Variants in ANK2 observed in about 807,000 individuals in gnomAD.
ANK2 encodes ankyrin-2.
A neutral mutation model predicts 360.5 loss-of-function variants in ANK2; 83 were observed. That is an observed-to-expected ratio of 0.23 (90% CI 0.19 to 0.28). The LOEUF is 0.28. ANK2 is among the 10% of genes least tolerant of loss of function. The pLI, the probability that ANK2 is intolerant of heterozygous loss-of-function variation, is 1.00. For missense variants in ANK2, 4,201 were observed against 4,795.7 expected (o/e 0.88, Z 3.66); for synonymous variants, 1,740 against 1,759.5 (o/e 0.99, Z 0.28).
chr4:112,762,578 C>T, the ANK2 span, among the ~76,000 whole-genome samples: 1 of 152,294 alleles, frequency 6.6e-6, no homozygotes, highest in East Asian at 1.9e-4. Flanking sequence ...GGTGCGATTT[C>T]GGCTCACTGC....
intron 26 of ANK2, 136 bp from the exon 27 acceptor site, chr4:113,330,110 C>T: frequency 1.2e-6 from 1 of 806,632 alleles, no homozygotes; most frequent in Non-Finnish European, 2.0e-6. Flanking sequence ...CTTTTAAAAA[C>T]AAGCATTTTA....
intron 2 of ANK2, among the ~76,000 whole-genome samples, chr4:112,959,317 G>A (rs2154259478): frequency 6.6e-6 from 1 of 152,168 alleles, no homozygotes; most frequent in Non-Finnish European, 1.5e-5. Context: ...CCTTAATGAA[G>A]CAGATTTTTT....
At chr4:112,766,270 G>A in the ANK2 span, among the ~76,000 whole-genome samples, 6 of 151,244 alleles carry the variant, frequency 4.0e-5, no homozygotes, top group African/African-American at 7.3e-5. Context: ...GCAGTGAGCC[G>A]AGATCGCACC....
chr4:113,235,717 T>A (rs2099366744), intron 5 of ANK2, among the ~76,000 whole-genome samples: 1 of 152,064 alleles, frequency 6.6e-6, no homozygotes. Context: ...ATTACAGATG[T>A]GAGCCACCGT....
At chr4:113,113,542 A>C (rs1029080768) in intron 1 of ANK2, among the ~76,000 whole-genome samples, 8 of 152,206 alleles carry the variant, frequency 5.3e-5, no homozygotes, top group Non-Finnish European at 1.0e-4. Context: ...TCTCAAGTTT[A>C]AATGTGAACG....
chr4:112,881,806 C>T (rs1317334599), intron 1 of ANK2: 5 of 921,740 alleles, frequency 5.4e-6, no homozygotes, highest in African/African-American at 1.6e-5. Flanking sequence ...TCTTCAGTGT[C>T]TTCTTTAATG....
At chr4:113,080,603 A>G (rs1003025727) in intron 1 of ANK2, among the ~76,000 whole-genome samples, 2 of 152,236 alleles carry the variant, frequency 1.3e-5, no homozygotes, top group Non-Finnish European at 2.9e-5. Context: ...AATGGAATAT[A>G]TACATTCCAT....
rs1439525696 is a variant in ANK2 at position 113,358,493 on chromosome 4, T to C, written c.9875T>C (p.Met3292Thr). 16 of 1,614,116 alleles carry C rather than the reference T, an allele frequency of 9.9e-6. No homozygotes were observed. Among genetic ancestry groups the C allele is most frequent in the African/African-American group, 2.7e-5 (2 of 75,044 alleles). The change falls in exon 38 of 46, where the codon ATG becomes ACG. Residue 3292 changes from methionine (M) to threonine (T), a missense_variant. Around this residue, in one of 4 missense-constraint regions of ANK2, gnomAD observed 2,642 missense variants for 2,714.5 expected, o/e 0.97. Coordinates refer to ENST00000357077, the MANE Select transcript of ANK2 (RefSeq NM_001148.6). ...KSVIEIPTAP[M>T]ENVPFTESKS... ...GTAATCGAGATTCCTACTGCACCCA[T>C]GGAGAATGTGCCTTTTACTGAAAGC...
chr4:113,209,135 C>A (rs2098990249), intron 4 of ANK2, among the ~76,000 whole-genome samples: 1 of 151,794 alleles, frequency 6.6e-6, no homozygotes. Context: ...ACTTTTATAC[C>A]ATTTTGAGGA....
chr4:113,152,089 A>G (rs1225476693), intron 1 of ANK2, among the ~76,000 whole-genome samples: 3 of 74,642 alleles, frequency 4.0e-5, no homozygotes, highest in East Asian at 3.0e-4. Flanking sequence ...GAAAAAAAAA[A>G]AAAAAGAAAA....
In ANK2 at chr4:113,339,237, C is replaced by T. The variant is rs767227373; in HGVS notation, c.3808C>T (p.Pro1270Ser). The T allele has an allele frequency of 2.5e-6, 4 of 1,613,342 alleles. No homozygotes were observed. In the Admixed American group the frequency reaches 6.7e-5, roughly 27 times the overall value. ...LLCSITGGTTPAQWEDITGTT... is the reference protein window; with the variant it reads ...LLCSITGGTTSAQWEDITGTT... ...TCATATTATTTCAGGTGGAACCACC[C>T]CTGCCCAGTGGGAAGATATTACAGG... The change falls in exon 32 of 46, where the codon CCT (proline) becomes TCT (serine). Residue 1270 changes from proline (P) to serine (S), a missense_variant. By Grantham distance (74) the Pro-to-Ser change is moderately conservative. Transcript: ENST00000357077.
intron 1 of ANK2, among the ~76,000 whole-genome samples, chr4:113,143,827 T>C (rs1319163171): frequency 1.3e-5 from 2 of 152,208 alleles, no homozygotes; most frequent in Non-Finnish European, 2.9e-5. Flanking sequence ...CATAGCCTAC[T>C]TAAATACTAC....
At chr4:113,257,724 T>C (rs935536746) in intron 11 of ANK2, among the ~76,000 whole-genome samples, 3 of 152,196 alleles carry the variant, frequency 2.0e-5, no homozygotes, top group African/African-American at 7.2e-5. Flanking sequence ...ACAATCAATA[T>C]ACCTTAAAAC....
At chr4:112,712,072 T>A in the ANK2 span, among the ~76,000 whole-genome samples, 37 of 148,492 alleles carry the variant, frequency 2.5e-4, 1 homozygote, top group Admixed American at 2.2e-3. Context: ...ATATATATAT[T>A]TATTTTTATT....
the ANK2 span, among the ~76,000 whole-genome samples, chr4:112,795,575 C>T: frequency 6.6e-6 from 1 of 152,114 alleles, no homozygotes; most frequent in Non-Finnish European, 1.5e-5. Flanking sequence ...GCGATCTCGG[C>T]CCACTGCAAC....
chr4:112,945,454 T>C (rs2094486493), intron 2 of ANK2, among the ~76,000 whole-genome samples: 1 of 152,156 alleles, frequency 6.6e-6, no homozygotes, highest in Non-Finnish European at 1.5e-5. Context: ...ATTACAAAAA[T>C]TATTTAATAA....
At chr4:113,231,768 T>C (rs1168809723) in intron 4 of ANK2, among the ~76,000 whole-genome samples, 2 of 152,020 alleles carry the variant, frequency 1.3e-5, no homozygotes, top group African/African-American at 4.8e-5. Flanking sequence ...CACGCCCGGC[T>C]AATTTTTGTA....
chr4:112,795,567 G>A, the ANK2 span, among the ~76,000 whole-genome samples: 2 of 152,068 alleles, frequency 1.3e-5, no homozygotes, highest in Non-Finnish European at 2.9e-5. Context: ...ACAGTGGTGC[G>A]ATCTCGGCCC....
intron 2 of ANK2, among the ~76,000 whole-genome samples, chr4:113,182,747 G>A (rs1287393798): frequency 6.6e-6 from 1 of 152,196 alleles, no homozygotes; most frequent in Non-Finnish European, 1.5e-5. Context: ...TTTTGGTGGA[G>A]TGGAGGGGTA....
Sources: allele counts gnomAD v4.1 joint callset (sites outside exome capture counted in the v4.1 genomes callset), GRCh38; gene constraint gnomAD v4.1.1; regional missense constraint gnomAD v4.1.1; transcripts MANE v1.5; gene names NCBI Gene and HGNC (gene_info 2026-07-23, HGNC 2026-07-21).